PHF14: variants seen among roughly 807,000 people sequenced by gnomAD.
The protein encoded by PHF14 is PHD finger protein 14.
PHF14 carries 55 observed loss-of-function variants against 117.9 expected under a neutral mutation model. The observed-to-expected ratio is 0.47, with a 90% CI of 0.38 to 0.58. The LOEUF (loss-of-function observed/expected upper bound fraction) is 0.58, where lower values mean the gene tolerates loss of function less well. PHF14 is among the 20% of genes least tolerant of loss of function. PHF14 has a pLI of 0.00. For synonymous variants in PHF14, 409 were observed against 368.6 expected, an observed-to-expected ratio of 1.11 and a Z score of -1.26; for missense variants, 978 against 1,122.2, an observed-to-expected ratio of 0.87 and a Z score of 1.84.
chr7:11,132,332 A>C, intron 17 of PHF14, among the ~76,000 whole-genome samples: 1 of 151,262 alleles, frequency 6.6e-6, no homozygotes, highest in East Asian at 1.9e-4. Flanking sequence ...TTCCACATAA[A>C]AGTGAGACCA....
chr7:11,121,894 C>T (rs1446611809), intron 17 of PHF14, among the ~76,000 whole-genome samples: 5 of 151,590 alleles, frequency 3.3e-5, no homozygotes, highest in South Asian at 2.1e-4. Flanking sequence ...GTGTCCAGAA[C>T]GTACAGGTTT....
At chr7:11,119,148 TAATC>T (rs1433662198) in intron 17 of PHF14, among the ~76,000 whole-genome samples, 1 of 151,914 alleles carries the variant, frequency 6.6e-6, no homozygotes, top group Non-Finnish European at 1.5e-5. Context: ...CTGAGATAAT[TAATC>T]AAAGTACAGT....
chr7:11,083,182 T>C (rs1273758682), intron 16 of PHF14, among the ~76,000 whole-genome samples: 1 of 152,198 alleles, frequency 6.6e-6, no homozygotes, highest in Non-Finnish European at 1.5e-5. Context: ...ATAAAAACTT[T>C]AACTCTCCTT....
intron 16 of PHF14, among the ~76,000 whole-genome samples, chr7:11,082,699 T>C (rs1050223824): frequency 6.6e-6 from 1 of 152,138 alleles, no homozygotes; most frequent in Admixed American, 6.5e-5. Flanking sequence ...CAAATAGATA[T>C]TTCTCCATTT....
chr7:10,995,957 C>T (rs530274910), intron 4 of PHF14, among the ~76,000 whole-genome samples: 31 of 152,364 alleles, frequency 2.0e-4, no homozygotes, highest in African/African-American at 7.5e-4. Context: ...CCTCGGCCAG[C>T]CCAGAGAGGG....
At chr7:11,110,523 A>T (rs1352582606) in intron 16 of PHF14, 1 of 981,524 alleles carries the variant, frequency 1.0e-6, no homozygotes, top group Non-Finnish European at 1.2e-6. Flanking sequence ...CATTGTCAGC[A>T]GGATGAGATT....
At chr7:11,163,130 CTAAA>C (rs1314582473) in intron 17 of PHF14, among the ~76,000 whole-genome samples, 1 of 152,010 alleles carries the variant, frequency 6.6e-6, no homozygotes, top group Non-Finnish European at 1.5e-5. Context: ...GTTTGCATCA[CTAAA>C]TAGAGAAAAA....
chr7:11,015,409 A>G (rs1783500930), intron 5 of PHF14, among the ~76,000 whole-genome samples: 1 of 152,132 alleles, frequency 6.6e-6, no homozygotes, highest in Non-Finnish European at 1.5e-5. Context: ...TCCAAAAATA[A>G]AATATATAAC....
chr7:10,978,705 C>T (rs1489883458), intron 2 of PHF14, among the ~76,000 whole-genome samples: 1 of 152,192 alleles, frequency 6.6e-6, no homozygotes, highest in African/African-American at 2.4e-5. Context: ...TTTTCCTCTA[C>T]TAGATGCCAG....
intron 16 of PHF14, among the ~76,000 whole-genome samples, chr7:11,078,333 C>T (rs769216276): frequency 3.9e-5 from 6 of 151,980 alleles, no homozygotes; most frequent in Non-Finnish European, 7.4e-5. Context: ...AGAATATGAA[C>T]CTCACTTGAA....
chr7:10,992,439 G>A (rs913568856), intron 4 of PHF14, among the ~76,000 whole-genome samples: 4 of 150,594 alleles, frequency 2.7e-5, no homozygotes, highest in African/African-American at 9.7e-5. Context: ...GAGGCGGGCG[G>A]ATCACCTGAG....
intron 17 of PHF14, among the ~76,000 whole-genome samples, chr7:11,113,815 T>C (rs1787519684): frequency 6.6e-6 from 1 of 152,146 alleles, no homozygotes; most frequent in African/African-American, 2.4e-5. Flanking sequence ...AAGAAAGCAT[T>C]GATAGATAAT....
chr7:10,986,268 G>A (rs1348824244), intron 3 of PHF14, among the ~76,000 whole-genome samples: 1 of 151,792 alleles, frequency 6.6e-6, no homozygotes, highest in Non-Finnish European at 1.5e-5. Flanking sequence ...ACAGGTGTGA[G>A]CCACCACACA....
chr7:11,076,315 C>T (rs1785847371), intron 16 of PHF14, among the ~76,000 whole-genome samples: 1 of 152,092 alleles, frequency 6.6e-6, no homozygotes, highest in Non-Finnish European at 1.5e-5. Flanking sequence ...ATCATACCTG[C>T]TGTTTTATTT....
intron 16 of PHF14, chr7:11,063,648 A>G (rs1361296657): frequency 2.1e-6 from 2 of 971,822 alleles, no homozygotes; most frequent in Non-Finnish European, 1.2e-6. Context: ...TAGGACTTAG[A>G]GGTTTTTATT....
chr7:11,073,944 G>A (rs959138937), intron 16 of PHF14, among the ~76,000 whole-genome samples: 4 of 148,372 alleles, frequency 2.7e-5, no homozygotes, highest in Non-Finnish European at 5.9e-5. Context: ...AGCTGGAGCA[G>A]CCAGGATTCT....
intron 16 of PHF14, chr7:11,105,710 T>G: frequency 1.0e-6 from 1 of 984,450 alleles, no homozygotes; most frequent in Admixed American, 6.2e-5. Context: ...TCTATAAAAG[T>G]GGAAGCCTCT....
intron 7 of PHF14, among the ~76,000 whole-genome samples, chr7:11,034,931 ATGT>A (rs1784263731): frequency 6.6e-6 from 1 of 151,974 alleles, no homozygotes; most frequent in Non-Finnish European, 1.5e-5. Flanking sequence ...GGCTAGTTGA[ATGT>A]TGTTGTTTTG....
At chr7:11,117,503 C>T (rs566035141) in intron 17 of PHF14, among the ~76,000 whole-genome samples, 11 of 146,904 alleles carry the variant, frequency 7.5e-5, no homozygotes, top group African/African-American at 1.8e-4. Flanking sequence ...AGAGGACATA[C>T]GATATTTTTA....
Sources: allele counts gnomAD v4.1 joint callset (sites outside exome capture counted in the v4.1 genomes callset), GRCh38; gene constraint gnomAD v4.1.1; transcripts MANE v1.5; gene names NCBI Gene and HGNC (gene_info 2026-07-23, HGNC 2026-07-21).